Variants in TECRL observed in about 807,000 individuals in gnomAD.
TECRL encodes the protein trans-2,3-enoyl-CoA reductase-like.
A neutral mutation model predicts 52.8 loss-of-function variants in TECRL; 63 were observed. The observed-to-expected ratio is 1.19, with a 90% CI of 0.97 to 1.47. The LOEUF (loss-of-function observed/expected upper bound fraction) is 1.47, where lower values mean the gene tolerates loss of function less well. Ranked by LOEUF, TECRL falls within the 40% of genes most tolerant of loss-of-function variation. TECRL has a pLI of 0.00. For missense variants in TECRL, 482 were observed against 429.6 expected, an observed-to-expected ratio of 1.12 and a Z score of -1.08; for synonymous variants, 164 against 141.9, an observed-to-expected ratio of 1.16 and a Z score of -1.10.
intron 1 of TECRL, among the ~76,000 whole-genome samples, chr4:64,391,875 G>T (rs1437086223): frequency 6.6e-6 from 1 of 151,862 alleles, no homozygotes; most frequent in Non-Finnish European, 1.5e-5. Flanking sequence ...CACTGTCTTT[G>T]TTACAGGTTC....
chr4:64,301,126 T>C (rs1002008726), intron 7 of TECRL, among the ~76,000 whole-genome samples: 2 of 150,752 alleles, frequency 1.3e-5, no homozygotes, highest in African/African-American at 4.8e-5. Flanking sequence ...ATATATCTAA[T>C]AGTAAAATAA....
At chr4:64,363,113 A>G (rs934552807) in intron 2 of TECRL, among the ~76,000 whole-genome samples, 3 of 152,166 alleles carry the variant, frequency 2.0e-5, no homozygotes. Context: ...ACGTAATGAT[A>G]AAGCATTCAA....
intron 1 of TECRL, among the ~76,000 whole-genome samples, chr4:64,389,733 A>C (rs1284685557): frequency 1.3e-5 from 2 of 151,910 alleles, no homozygotes; most frequent in African/African-American, 4.8e-5. Flanking sequence ...TCCTGGTACT[A>C]CTGTTTTGAT....
At chr4:64,310,210 C>T (rs1724590394) in intron 5 of TECRL, among the ~76,000 whole-genome samples, 1 of 152,100 alleles carries the variant, frequency 6.6e-6, no homozygotes, top group Non-Finnish European at 1.5e-5. Context: ...ACACCTGTCC[C>T]AGGAGTGGGT....
At chr4:64,316,159 T>C (rs1220498932) in intron 4 of TECRL, among the ~76,000 whole-genome samples, 3 of 152,112 alleles carry the variant, frequency 2.0e-5, no homozygotes, top group Non-Finnish European at 4.4e-5. Flanking sequence ...GCAAATTCTC[T>C]AAGAATATAT....
At chr4:64,368,326 G>A (rs1166345441) in intron 2 of TECRL, among the ~76,000 whole-genome samples, 1 of 151,902 alleles carries the variant, frequency 6.6e-6, no homozygotes, top group African/African-American at 2.4e-5. Flanking sequence ...ACAGAGTCTT[G>A]CTGTTGTCGC....
At chr4:64,323,804 T>G (rs926157469) in intron 3 of TECRL, among the ~76,000 whole-genome samples, 1 of 152,156 alleles carries the variant, frequency 6.6e-6, no homozygotes, top group East Asian at 1.9e-4. Context: ...AGTACTTAAA[T>G]GCATTGTAAT....
At chr4:64,328,689 A>ATAGAAATAGAAATAGAAATATC in intron 2 of TECRL, 133 bp from the exon 3 acceptor site, 1 of 696,494 alleles carries the variant, frequency 1.4e-6, no homozygotes, top group Non-Finnish European at 2.5e-6. Context: ...AGAAATAGAA[A>ATAGAAATAGAAATAGAAATATC]TAGTGGTTAC....
At position 64,322,921 on chromosome 4, in the gene TECRL, T is replaced by G. The variant is rs1001657017; in HGVS notation, c.332-129A>C. The G allele has an allele frequency of 4.4e-6, 3 of 682,916 alleles. No homozygotes were observed. The Admixed American group carries it at 9.9e-5, about 22-fold the overall frequency. 42.3% of individuals were successfully genotyped at this position (682,916 alleles called of 1,614,324 possible). A position where few individuals can be genotyped will look rare whatever the true frequency, so the allele number is the denominator to read the frequency against. On this transcript the variant is annotated intron_variant, in intron 3 of 11. Coordinates refer to ENST00000381210, the MANE Select transcript of TECRL (RefSeq NM_001010874.5). The stretch of plus-strand genomic sequence containing the variant: ...TATGGAAATTACAATGTACAAGAAA[T>G]CTTCAAAGTAAAACAAAATGTGAAC...
intron 4 of TECRL, among the ~76,000 whole-genome samples, chr4:64,320,128 A>C (rs962244008): frequency 6.6e-6 from 1 of 151,928 alleles, no homozygotes; most frequent in Admixed American, 6.5e-5. Context: ...ACTTTAATTA[A>C]TTAACAGTCT....
intron 1 of TECRL, among the ~76,000 whole-genome samples, chr4:64,394,899 T>G (rs2109758594): frequency 6.7e-6 from 1 of 148,782 alleles, no homozygotes; most frequent in East Asian, 2.0e-4. Context: ...GTCAAAAAAT[T>G]AACAAGCATT....
chr4:64,349,659 A>C (rs1720240601), intron 2 of TECRL, among the ~76,000 whole-genome samples: 1 of 152,170 alleles, frequency 6.6e-6, no homozygotes, highest in African/African-American at 2.4e-5. Context: ...GCATATAGTG[A>C]TTGAATATAG....
chr4:64,360,915 G>T (rs144982062), intron 2 of TECRL, among the ~76,000 whole-genome samples: 6,918 of 152,240 alleles, frequency 0.045, 214 homozygotes, highest in South Asian at 0.096. Flanking sequence ...GGCGCAGAAG[G>T]TTTGGTGCAG....
intron 3 of TECRL, among the ~76,000 whole-genome samples, chr4:64,327,565 T>G (rs1433510447): frequency 3.3e-5 from 5 of 151,998 alleles, no homozygotes; most frequent in African/African-American, 1.2e-4. Flanking sequence ...AAACTCTAGG[T>G]AGGTGGGAAT....
chr4:64,333,865 A>G (rs1718831282), intron 2 of TECRL, among the ~76,000 whole-genome samples: 1 of 75,758 alleles, frequency 1.3e-5, no homozygotes, highest in Admixed American at 1.3e-4. Context: ...CTAAAAATAC[A>G]AAAAAAAAAT....
At chr4:64,380,126 G>T (rs1722681963) in intron 1 of TECRL, among the ~76,000 whole-genome samples, 1 of 151,862 alleles carries the variant, frequency 6.6e-6, no homozygotes, top group African/African-American at 2.4e-5. Context: ...TTGTAGCTTT[G>T]ATTTGTATTT....
intron 1 of TECRL, among the ~76,000 whole-genome samples, chr4:64,394,608 A>G (rs771699012): frequency 7.2e-5 from 11 of 152,204 alleles, no homozygotes; most frequent in Non-Finnish European, 1.5e-4. Context: ...AGGTTATTTA[A>G]CAAGGTCACA....
chr4:64,336,640 C>T (rs1268114874), intron 2 of TECRL, among the ~76,000 whole-genome samples: 2 of 152,076 alleles, frequency 1.3e-5, no homozygotes, highest in African/African-American at 4.8e-5. Flanking sequence ...CTCTTGTGGG[C>T]ATTTAGTGCT....
chr4:64,363,624 A>G (rs563427826), intron 2 of TECRL, among the ~76,000 whole-genome samples: 1 of 152,184 alleles, frequency 6.6e-6, no homozygotes, highest in Non-Finnish European at 1.5e-5. Flanking sequence ...AGTAGGAAGT[A>G]ACTTATGGAA....
Sources: gnomAD v4.1 joint callset for allele counts (sites outside exome capture counted in the v4.1 genomes callset) on GRCh38, gnomAD v4.1.1 for gene constraint, MANE v1.5 for transcripts, NCBI Gene and HGNC (gene_info 2026-07-23, HGNC 2026-07-21) for gene names.